ZNRF3: variants seen among roughly 807,000 people sequenced by gnomAD.
The protein encoded by ZNRF3 is E3 ubiquitin-protein ligase ZNRF3.
Under a neutral mutation model 72.5 loss-of-function variants are expected in ZNRF3, and 23 were observed. That is an observed-to-expected ratio of 0.32 (90% CI 0.23 to 0.45). The LOEUF (loss-of-function observed/expected upper bound fraction) is 0.45. Among genes scored for constraint, ZNRF3 ranks in the 20% least tolerant of loss-of-function variants. ZNRF3 has a pLI of 1.00. For synonymous variants in ZNRF3, 610 were observed against 545.3 expected (o/e 1.12, Z -1.65); for missense variants, 1,169 against 1,272.1 (o/e 0.92, Z 1.23).
Position 29,043,440 on chromosome 22 carries a change from C to T in ZNRF3, c.633+10C>T, listed in dbSNP as rs368154702. The T allele has an allele frequency of 1.3e-5, 21 of 1,612,736 alleles. No individual in the cohort carries two copies. Among genetic ancestry groups the T allele is most frequent in the East Asian group, 1.1e-4 (5 of 44,870 alleles). ...GCACCGCCCTCCTCGAGTGAGCCTC[C>T]GCACCATTTGGCACAGGCTCGGGGC... On this transcript the variant is annotated intron_variant, in intron 4 of 8. Coordinates refer to ENST00000544604, the MANE Select transcript of ZNRF3 (RefSeq NM_001206998.2).
intron 2 of ZNRF3, among the ~76,000 whole-genome samples, chr22:29,033,208 G>A (rs566108419): frequency 5.9e-5 from 9 of 152,198 alleles, no homozygotes; most frequent in South Asian, 4.1e-4. Context: ...AAAATTAGCC[G>A]GGCATGATGG....
At chr22:28,945,210 A>G (rs139645844) in intron 1 of ZNRF3, among the ~76,000 whole-genome samples, 1 of 152,010 alleles carries the variant, frequency 6.6e-6, no homozygotes, top group African/African-American at 2.4e-5. Context: ...ATGTTCACTA[A>G]CATGTTATTC....
chr22:28,986,184 T>C (rs572447322), intron 1 of ZNRF3, among the ~76,000 whole-genome samples: 1 of 152,340 alleles, frequency 6.6e-6, no homozygotes, highest in South Asian at 2.1e-4. Context: ...GATTAGGACA[T>C]AGATATCTTG....
chr22:28,936,988 C>T (rs1368747719), intron 1 of ZNRF3, among the ~76,000 whole-genome samples: 2 of 151,830 alleles, frequency 1.3e-5, no homozygotes, highest in East Asian at 3.9e-4. Flanking sequence ...TAACATGACA[C>T]CTCATTCATC....
chr22:28,889,071 C>T (rs966363306), intron 1 of ZNRF3, among the ~76,000 whole-genome samples: 1 of 151,854 alleles, frequency 6.6e-6, no homozygotes, highest in African/African-American at 2.4e-5. Context: ...GCTGAGATCA[C>T]ACCACTGCAC....
intron 1 of ZNRF3, among the ~76,000 whole-genome samples, chr22:28,905,434 C>A (rs1057482071): frequency 5.3e-5 from 8 of 152,130 alleles, no homozygotes; most frequent in Non-Finnish European, 1.2e-4. Flanking sequence ...TGTTAGACTT[C>A]TTGGCTGAAA....
intron 2 of ZNRF3, among the ~76,000 whole-genome samples, chr22:28,993,625 G>A (rs1329899173): frequency 6.6e-6 from 1 of 152,200 alleles, no homozygotes; most frequent in Non-Finnish European, 1.5e-5. Context: ...TGGGAGAGGG[G>A]GAGCATGTAA....
Position 29,050,368 on chromosome 22 carries a change from C to G in ZNRF3, c.2187C>G (p.Gly729=). Residue 729 remains glycine, a synonymous_variant, in exon 8 of 9, where the codon GGC becomes GGG. Coordinates refer to ENST00000544604, the MANE Select transcript of ZNRF3 (RefSeq NM_001206998.2). The part of the protein sequence containing the change: ...SPAGPSAGAA[G]SSTLFLGPHL... ...CCGGGCCTAGCGCCGGAGCAGCTGG[C>G]AGCAGCACCTTGTTCCTGGGGCCCC... 2 of 1,603,794 alleles carry G rather than the reference C, an allele frequency of 1.2e-6. No individual in the cohort carries two copies. The highest frequency in any genetic ancestry group is 1.7e-6 in the Non-Finnish European group (2 of 1,175,072).
chr22:28,978,423 G>A (rs1002130205), intron 1 of ZNRF3, among the ~76,000 whole-genome samples: 2 of 152,114 alleles, frequency 1.3e-5, no homozygotes, highest in Non-Finnish European at 2.9e-5. Flanking sequence ...CCCAGCCCAC[G>A]TCCTGGATGG....
intron 2 of ZNRF3, among the ~76,000 whole-genome samples, chr22:29,019,357 A>G (rs1265485082): frequency 1.3e-5 from 2 of 152,156 alleles, no homozygotes; most frequent in African/African-American, 4.8e-5. Context: ...GAGATATTTG[A>G]TTCTTTGTGT....
chr22:28,982,729 A>G (rs1344467619), intron 1 of ZNRF3, among the ~76,000 whole-genome samples: 1 of 152,070 alleles, frequency 6.6e-6, no homozygotes, highest in Non-Finnish European at 1.5e-5. Context: ...CCCTAAGAAT[A>G]TTTTCACATA....
intron 1 of ZNRF3, among the ~76,000 whole-genome samples, chr22:28,911,616 G>T (rs1601548766): frequency 6.6e-6 from 1 of 152,318 alleles, no homozygotes; most frequent in South Asian, 2.1e-4. Context: ...CCGTACACTT[G>T]ACCATTCATG....
rs1193869181 is a variant in ZNRF3, at chr22:29,057,107, G to C, written c.*3485G>C. ...AAAGAGATTTTGTAAAGACCTTGCTGTAAAGATTTTGTAATAAAATGGTCT... is the reference window on the plus strand; with the variant it reads ...AAAGAGATTTTGTAAAGACCTTGCTCTAAAGATTTTGTAATAAAATGGTCT... On this transcript the variant is annotated 3_prime_UTR_variant, in exon 9 of 9. Transcript: ENST00000544604. 2 of 152,158 alleles carry C rather than the reference G, an allele frequency of 1.3e-5. No individual in the cohort carries two copies. The highest frequency in any genetic ancestry group is 2.9e-5 in the Non-Finnish European group (2 of 68,036). The allele number at this position is 152,158 out of a possible 1,614,324, so 9.4% of individuals were successfully genotyped here.
intron 2 of ZNRF3, among the ~76,000 whole-genome samples, chr22:29,006,213 C>CTTTTTTTTTTTTTTTTTTT (rs372438825): frequency 9.4e-6 from 1 of 106,520 alleles, no homozygotes. Flanking sequence ...TCATCCGTTT[C>CTTTTTTTTTTTTTTTTTTT]TTTTTTTTTT....
At chr22:29,020,779 GTGTGTGT>G (rs2036523706) in intron 2 of ZNRF3, among the ~76,000 whole-genome samples, 1 of 127,754 alleles carries the variant, frequency 7.8e-6, no homozygotes, top group Admixed American at 7.9e-5. Flanking sequence ...GTGTGTGGGT[GTGTGTGT>G]GTGTGTGTGT....
intron 1 of ZNRF3, among the ~76,000 whole-genome samples, chr22:28,950,896 A>G (rs2035149089): frequency 1.3e-5 from 2 of 152,274 alleles, no homozygotes; most frequent in South Asian, 4.1e-4. Context: ...CCTCTTTTAT[A>G]TCTTGCCAAA....
intron 1 of ZNRF3, among the ~76,000 whole-genome samples, chr22:28,927,804 CTG>C (rs2034631433): frequency 6.6e-6 from 1 of 152,142 alleles, no homozygotes; most frequent in Non-Finnish European, 1.5e-5. Flanking sequence ...TTCTCTTTTA[CTG>C]TGTGTGTATG....
intron 1 of ZNRF3, among the ~76,000 whole-genome samples, chr22:28,972,403 A>G (rs1214575850): frequency 2.0e-5 from 3 of 152,184 alleles, no homozygotes; most frequent in Admixed American, 2.0e-4. Context: ...TACTCAGCAT[A>G]TTCTCAAGGT....
At chr22:28,947,504 C>A (rs542929386) in intron 1 of ZNRF3, among the ~76,000 whole-genome samples, 2 of 152,180 alleles carry the variant, frequency 1.3e-5, no homozygotes, top group African/African-American at 4.8e-5. Context: ...TTCTCCATAC[C>A]CTCTCTAATA....
Sources: allele counts gnomAD v4.1 joint callset (sites outside exome capture counted in the v4.1 genomes callset), GRCh38; gene constraint gnomAD v4.1.1; transcripts MANE v1.5; gene names NCBI Gene and HGNC (gene_info 2026-07-23, HGNC 2026-07-21).